The following RAB7A variants were observed in gnomAD, a reference collection of about 807,000 sequenced individuals.
RAB7A encodes the protein RAB7A, member RAS oncogene family, also known as ras-related protein Rab-7a.
Under a neutral mutation model 24.5 loss-of-function variants are expected in RAB7A, and 2 were observed. The observed-to-expected ratio is 0.08, with a 90% CI of 0.03 to 0.26. The LOEUF (loss-of-function observed/expected upper bound fraction) is 0.26. Ranked by LOEUF, RAB7A falls within the 10% of genes least tolerant of loss-of-function variation. The probability of loss-of-function intolerance (pLI) is 1.00; values close to 1 mark genes in which losing one functional copy is unlikely to be tolerated. For synonymous variants in RAB7A, 100 were observed against 95.9 expected (o/e 1.04, Z -0.25); for missense variants, 118 against 255.7 (o/e 0.46, Z 3.67).
chr3:128,810,811 C>T (rs184670151), intron 5 of RAB7A, among the ~76,000 whole-genome samples: 84 of 152,166 alleles, frequency 5.5e-4, no homozygotes, highest in Admixed American at 2.4e-3. Flanking sequence ...CCCAGCACTT[C>T]GGGAGGCTGA....
At chr3:128,804,875 T>C (rs1474977371) in intron 3 of RAB7A, among the ~76,000 whole-genome samples, 1 of 152,176 alleles carries the variant, frequency 6.6e-6, no homozygotes, top group Non-Finnish European at 1.5e-5. Context: ...GAATCGATGG[T>C]TCACTAAATC....
chr3:128,733,210 G>C (rs1356155423), intron 1 of RAB7A, among the ~76,000 whole-genome samples: 1 of 152,016 alleles, frequency 6.6e-6, no homozygotes, highest in Non-Finnish European at 1.5e-5. Flanking sequence ...CATTATCATC[G>C]ATGCCCTGAT....
chr3:128,765,086 G>T, intron 1 of RAB7A: 1 of 874,270 alleles, frequency 1.1e-6, no homozygotes, highest in Non-Finnish European at 1.8e-6. Flanking sequence ...GCCTTGGGAT[G>T]GTCCGAGGGT....
At chr3:128,736,207 C>T (rs2070488265) in intron 1 of RAB7A, among the ~76,000 whole-genome samples, 1 of 150,994 alleles carries the variant, frequency 6.6e-6, no homozygotes, top group African/African-American at 2.4e-5. Flanking sequence ...TGCTCAGTAT[C>T]TTGGAGCCAC....
At chr3:128,746,509 T>A (rs747453424) in intron 1 of RAB7A, among the ~76,000 whole-genome samples, 15 of 151,864 alleles carry the variant, frequency 9.9e-5, no homozygotes, top group Non-Finnish European at 1.3e-4. Flanking sequence ...TATTTATTTT[T>A]TTTATTTTTT....
chr3:128,731,184 A>G (rs992239200), intron 1 of RAB7A, among the ~76,000 whole-genome samples: 1 of 152,232 alleles, frequency 6.6e-6, no homozygotes, highest in African/African-American at 2.4e-5. Context: ...TAAGTGTAAT[A>G]AAAAGTTGGT....
At chr3:128,808,232 C>A (rs577727866) in intron 5 of RAB7A, among the ~76,000 whole-genome samples, 27 of 152,022 alleles carry the variant, frequency 1.8e-4, no homozygotes, top group Admixed American at 9.2e-4. Context: ...TGGTGGTGGT[C>A]GCCAGTAATC....
chr3:128,747,958 A>G (rs377563852), intron 1 of RAB7A, among the ~76,000 whole-genome samples: 1,018 of 150,086 alleles, frequency 6.8e-3, no homozygotes, highest in African/African-American at 0.024. Flanking sequence ...AGTAGAGACG[A>G]GGTTTCACCA....
At chr3:128,763,407 CG>C (rs1462812125) in intron 1 of RAB7A, among the ~76,000 whole-genome samples, 8 of 151,156 alleles carry the variant, frequency 5.3e-5, no homozygotes, top group African/African-American at 1.7e-4. Flanking sequence ...TTAGTAGAGA[CG>C]GGGTTTCACC....
intron 1 of RAB7A, among the ~76,000 whole-genome samples, chr3:128,757,939 G>T (rs1237889401): frequency 2.6e-5 from 4 of 152,014 alleles, no homozygotes. Context: ...AGTTACACTT[G>T]TGAGCCACTG....
intron 1 of RAB7A, among the ~76,000 whole-genome samples, chr3:128,747,795 T>TCTCA (rs1168684217): frequency 6.6e-6 from 1 of 151,178 alleles, no homozygotes; most frequent in Non-Finnish European, 1.5e-5. Context: ...TTGAGACGAG[T>TCTCA]CTCACTCTGT....
intron 3 of RAB7A, among the ~76,000 whole-genome samples, chr3:128,804,085 C>T (rs1933751715): frequency 6.7e-6 from 1 of 149,632 alleles, no homozygotes; most frequent in Non-Finnish European, 1.5e-5. Context: ...TCACAAGTTC[C>T]TGCTTCATGG....
intron 4 of RAB7A, 45 bp downstream of exon 4, chr3:128,806,635 C>T: frequency 6.4e-7 from 1 of 1,561,324 alleles, no homozygotes; most frequent in Non-Finnish European, 8.8e-7. Context: ...ACCTGCTCCC[C>T]AGGGGCCTTG....
chr3:128,763,210 T>G, intron 1 of RAB7A, among the ~76,000 whole-genome samples: 1 of 60,810 alleles, frequency 1.6e-5, no homozygotes, highest in East Asian at 3.9e-4. Context: ...ATATATATAT[T>G]TTTTTTTTTT....
chr3:128,737,422 C>T (rs896656086), intron 1 of RAB7A, among the ~76,000 whole-genome samples: 1 of 150,078 alleles, frequency 6.7e-6, no homozygotes, highest in Middle Eastern at 3.2e-3. Context: ...CAGCTCACTG[C>T]AGCCTCTGCC....
intron 1 of RAB7A, among the ~76,000 whole-genome samples, chr3:128,746,149 CCG>C (rs1255245590): frequency 6.6e-6 from 1 of 152,226 alleles, no homozygotes; most frequent in Non-Finnish European, 1.5e-5. Flanking sequence ...TTCCTCCTGT[CCG>C]AAACATTGTA....
At chr3:128,809,243 T>C (rs970643619) in intron 5 of RAB7A, among the ~76,000 whole-genome samples, 3 of 152,240 alleles carry the variant, frequency 2.0e-5, no homozygotes, top group African/African-American at 4.8e-5. Flanking sequence ...GGGTGTATCT[T>C]ATTGTAAGTC....
chr3:128,776,706 A>G (rs1933097867), intron 1 of RAB7A, among the ~76,000 whole-genome samples: 1 of 151,938 alleles, frequency 6.6e-6, no homozygotes. Flanking sequence ...TACTGATTCC[A>G]TATCCTTTGG....
At chr3:128,734,026 T>G (rs1355989733) in intron 1 of RAB7A, among the ~76,000 whole-genome samples, 1 of 152,204 alleles carries the variant, frequency 6.6e-6, no homozygotes, top group Non-Finnish European at 1.5e-5. Flanking sequence ...ACAGCTTGTT[T>G]ACTCACCAGT....
Sources: allele counts gnomAD v4.1 joint callset (sites outside exome capture counted in the v4.1 genomes callset), GRCh38; gene constraint gnomAD v4.1.1; transcripts MANE v1.5; gene names NCBI Gene and HGNC (gene_info 2026-07-23, HGNC 2026-07-21).